Variants in SLC8A1 observed in about 807,000 individuals in gnomAD.
SLC8A1 encodes sodium/calcium exchanger 1.
Under a neutral mutation model 68.3 loss-of-function variants are expected in SLC8A1, and 18 were observed. The ratio of observed to expected loss-of-function variants is 0.26; its 90% CI spans 0.18 to 0.39. The LOEUF is 0.39. SLC8A1 is among the 10% of genes least tolerant of loss of function. The probability of loss-of-function intolerance (pLI) is 1.00; values close to 1 mark genes in which losing one functional copy is unlikely to be tolerated. For synonymous variants in SLC8A1, 475 were observed against 415.5 expected, an observed-to-expected ratio of 1.14 and a Z score of -1.74; for missense variants, 985 against 1,156.7, an observed-to-expected ratio of 0.85 and a Z score of 2.15.
exon 2 of SLC8A1, chr2:40,429,168 G>C: frequency 1.2e-6 from 2 of 1,613,512 alleles, no homozygotes; most frequent in Non-Finnish European, 1.7e-6. Flanking sequence ...CTCCAGTCAT[G>C]AGGCGAGTAG....
At chr2:40,503,024 T>C (rs1706142476) in intron 1 of SLC8A1, among the ~76,000 whole-genome samples, 1 of 151,930 alleles carries the variant, frequency 6.6e-6, no homozygotes, top group African/African-American at 2.4e-5. Flanking sequence ...CCTTCTGAAG[T>C]ACTGAGAATG....
At chr2:40,410,687 A>AT (rs1242286529) in intron 2 of SLC8A1, among the ~76,000 whole-genome samples, 2 of 152,100 alleles carry the variant, frequency 1.3e-5, no homozygotes, top group Non-Finnish European at 2.9e-5. Context: ...CACAGTTATC[A>AT]TTTTTTGTGG....
intron 2 of SLC8A1, among the ~76,000 whole-genome samples, chr2:40,399,547 T>C (rs533050937): frequency 6.6e-6 from 1 of 152,220 alleles, no homozygotes; most frequent in South Asian, 2.1e-4. Context: ...ATCCAAAAAA[T>C]AAAAAGACTG....
chr2:40,134,075 T>TTTTGTTTG (rs1300325309), intron 7 of SLC8A1, among the ~76,000 whole-genome samples: 1 of 96,438 alleles, frequency 1.0e-5, no homozygotes, highest in Middle Eastern at 4.6e-3. Flanking sequence ...TACCTAAAGT[T>TTTTGTTTG]TTTGTTTGTT....
At chr2:40,368,222 G>A (rs1221200571) in intron 2 of SLC8A1, among the ~76,000 whole-genome samples, 1 of 151,952 alleles carries the variant, frequency 6.6e-6, no homozygotes, top group African/African-American at 2.4e-5. Flanking sequence ...AACTTTTTGT[G>A]GATGTCTAAC....
chr2:40,177,479 T>A (rs1210627662), intron 3 of SLC8A1, among the ~76,000 whole-genome samples: 1 of 152,224 alleles, frequency 6.6e-6, no homozygotes, highest in African/African-American at 2.4e-5. Context: ...CTAAACACAT[T>A]CTTTTATGTA....
intron 2 of SLC8A1, among the ~76,000 whole-genome samples, chr2:40,400,163 G>A (rs539372146): frequency 7.3e-4 from 111 of 152,232 alleles, no homozygotes; most frequent in Non-Finnish European, 1.4e-3. Context: ...CGGTGAGCTC[G>A]GCTCTTGAGA....
intron 2 of SLC8A1, among the ~76,000 whole-genome samples, chr2:40,299,919 C>T: frequency 6.6e-6 from 1 of 152,302 alleles, no homozygotes; most frequent in East Asian, 1.9e-4. Context: ...CCTCCCTGAG[C>T]CTCCCAAACT....
intron 2 of SLC8A1, among the ~76,000 whole-genome samples, chr2:40,300,513 T>C (rs2071255746): frequency 6.6e-6 from 1 of 152,230 alleles, no homozygotes; most frequent in Non-Finnish European, 1.5e-5. Flanking sequence ...AAGTATTGTT[T>C]CGTGCCTCAG....
At chr2:40,261,476 A>G (rs1203065028) in intron 2 of SLC8A1, among the ~76,000 whole-genome samples, 1 of 152,194 alleles carries the variant, frequency 6.6e-6, no homozygotes, top group African/African-American at 2.4e-5. Context: ...CTCAAACAAT[A>G]TGTGATGAAA....
intron 2 of SLC8A1, among the ~76,000 whole-genome samples, chr2:40,359,520 G>C (rs73926618): frequency 0.012 from 1,809 of 152,198 alleles, 35 homozygotes; most frequent in African/African-American, 0.04. Flanking sequence ...GTAGAAAAGA[G>C]ATCAAAAGGC....
chr2:40,176,386 G>C (rs539602768), intron 3 of SLC8A1, among the ~76,000 whole-genome samples: 1 of 152,294 alleles, frequency 6.6e-6, no homozygotes, highest in Non-Finnish European at 1.5e-5. Flanking sequence ...TTGAGATAAA[G>C]TTCTTTGGAG....
intron 2 of SLC8A1, among the ~76,000 whole-genome samples, chr2:40,232,598 GTT>G (rs142725013): frequency 4.5e-5 from 6 of 133,604 alleles, no homozygotes; most frequent in African/African-American, 1.7e-4. Context: ...TTTGTATTCT[GTT>G]TTTTTTTTTT....
chr2:40,314,281 A>T (rs1485529784), intron 2 of SLC8A1, among the ~76,000 whole-genome samples: 1 of 152,044 alleles, frequency 6.6e-6, no homozygotes, highest in African/African-American at 2.4e-5. Context: ...TGTTAGAATA[A>T]CAACAACAAC....
intron 2 of SLC8A1, among the ~76,000 whole-genome samples, chr2:40,405,533 G>T (rs937332753): frequency 1.3e-5 from 2 of 152,170 alleles, no homozygotes; most frequent in African/African-American, 4.8e-5. Flanking sequence ...GAGATCCCAT[G>T]CCACAATTCA....
chr2:40,489,960 C>A lies in SLC8A1; in HGVS notation c.-25+22389G>T, dbSNP rs549370249. On this transcript the variant is annotated intron_variant, in intron 1 of 7. Transcript: ENST00000402441. Reference sequence around the variant, plus strand: ...AAGACAGGCAGCCCCCTTACATTCACTTGATGATACACTGCTAACATTTTT... The same window carrying A: ...AAGACAGGCAGCCCCCTTACATTCAATTGATGATACACTGCTAACATTTTT... Among the ~76,000 whole-genome samples, 326 of 152,230 alleles carry A rather than the reference C, an allele frequency of 2.1e-3. 1 individual carries two copies. The highest frequency in any genetic ancestry group is 3.6e-3 in the Non-Finnish European group (243 of 68,008).
chr2:40,436,005 T>G (rs1254584916), intron 1 of SLC8A1, among the ~76,000 whole-genome samples: 2 of 150,266 alleles, frequency 1.3e-5, no homozygotes, highest in Admixed American at 1.3e-4. Flanking sequence ...ACTCCTGACC[T>G]TAGGTAATCT....
chr2:40,394,994 G>C (rs1686466428), intron 2 of SLC8A1, among the ~76,000 whole-genome samples: 1 of 152,130 alleles, frequency 6.6e-6, no homozygotes, highest in Non-Finnish European at 1.5e-5. Flanking sequence ...TCCCACAAAA[G>C]ATGTGCACAA....
At chr2:40,111,041 C>A (rs1294048577) in exon 8 of SLC8A1, 1 of 151,986 alleles carries the variant, frequency 6.6e-6, no homozygotes. Context: ...ATAGTGAGGC[C>A]ACAGGGGAAA....
Sources: gnomAD v4.1 joint callset for allele counts (sites outside exome capture counted in the v4.1 genomes callset) on GRCh38, gnomAD v4.1.1 for gene constraint, MANE v1.5 for transcripts, NCBI Gene and HGNC (gene_info 2026-07-23, HGNC 2026-07-21) for gene names.